MCM10: variants seen among roughly 807,000 people sequenced by gnomAD.
The protein encoded by MCM10 is minichromosome maintenance 10 replication initiation factor, also known as protein MCM10 homolog.
Under a neutral mutation model 109.9 loss-of-function variants are expected in MCM10, and 91 were observed. The ratio of observed to expected loss-of-function variants is 0.83; its 90% CI spans 0.70 to 0.99. MCM10 has a LOEUF of 0.99. MCM10 is among the 50% of genes least tolerant of loss of function. The pLI is 0.00. For missense variants in MCM10, 1,077 were observed against 1,061.2 expected (o/e 1.01, Z -0.21); for synonymous variants, 380 against 387.2 (o/e 0.98, Z 0.22).
intron 2 of MCM10, among the ~76,000 whole-genome samples, chr10:13,168,731 C>T (rs760120124): frequency 1.3e-5 from 2 of 152,154 alleles, no homozygotes; most frequent in African/African-American, 2.4e-5. Context: ...CTTTTTAAAT[C>T]GTCCATCAGA....
At chr10:13,170,385 A>G (rs572766110) in intron 2 of MCM10, among the ~76,000 whole-genome samples, 1 of 152,220 alleles carries the variant, frequency 6.6e-6, no homozygotes, top group East Asian at 1.9e-4. Flanking sequence ...TTAAATCTCA[A>G]ATAATTTGAA....
intron 6 of MCM10, among the ~76,000 whole-genome samples, chr10:13,178,108 T>C (rs1005752658): frequency 8.5e-5 from 13 of 152,158 alleles, no homozygotes; most frequent in African/African-American, 3.1e-4. Flanking sequence ...TCTTTAATCT[T>C]TTTTTTGAGA....
chr10:13,209,257 ACT>A lies in MCM10; in HGVS notation c.2575_2576del (p.Leu859ValfsTer9), dbSNP rs757108672. ...GACTGGTCCAAAGATAGGAGGAGAA[ACT>A]CTGTTACCAAGAGGAGAAGAACATG... Reference protein sequence around the residue: ...EKTGPKIGGETLLPRGEEHAK... With the variant: ...EKTGPKIGGEXLLPRGEEHAK... On this transcript the variant is annotated frameshift_variant, in exon 20 of 20. Transcript: ENST00000378714. LOFTEE classifies it high-confidence loss of function. 10 of 1,613,936 alleles carry A rather than the reference ACT, an allele frequency of 6.2e-6. No homozygotes were observed. The highest frequency in any genetic ancestry group is 1.1e-5 in the South Asian group (1 of 91,056).
chr10:13,189,001 G>A lies in MCM10; in HGVS notation c.1336G>A (p.Gly446Ser). 6.2e-7 allele frequency: 1 copy of A among 1,614,252 alleles called. No individual in the cohort carries two copies. Among genetic ancestry groups the A allele is most frequent in the Non-Finnish European group, 8.5e-7 (1 of 1,180,056 alleles). The change falls in exon 10 of 20, where the codon GGC becomes AGC. Residue 446 changes from glycine (G) to serine (S), a missense_variant. Physicochemically the swap from Gly to Ser is moderately conservative, Grantham distance 56. Coordinates refer to ENST00000378714, the MANE Select transcript of MCM10 (RefSeq NM_018518.5). ...AATTCCAAAGAAGTTTGCCCGCAGA[G>A]GCACCAGCCTCAAAGAACGGCTGTG... is the stretch of plus-strand genomic sequence containing the variant. ...GRIPKKFARR[G>S]TSLKERLCQD...
At chr10:13,202,109 A>G (rs1029964477) in intron 17 of MCM10, among the ~76,000 whole-genome samples, 1 of 152,264 alleles carries the variant, frequency 6.6e-6, no homozygotes, top group Admixed American at 6.5e-5. Flanking sequence ...CTGGAATCCC[A>G]GCACTTTTGG....
At chr10:13,189,982 A>C (rs1399104790) in intron 10 of MCM10, among the ~76,000 whole-genome samples, 1 of 152,100 alleles carries the variant, frequency 6.6e-6, no homozygotes, top group Non-Finnish European at 1.5e-5. Flanking sequence ...AAAAGAAAGA[A>C]AAGAAAAGAA....
chr10:13,171,373 C>G (rs1257521653), intron 3 of MCM10, 110 bp downstream of exon 3: 10 of 1,061,034 alleles, frequency 9.4e-6, no homozygotes, highest in Non-Finnish European at 1.2e-5. Context: ...AGATAAATGA[C>G]TTTGTAAAAA....
intron 14 of MCM10, among the ~76,000 whole-genome samples, chr10:13,196,272 C>T (rs1016344106): frequency 4.6e-5 from 7 of 152,076 alleles, no homozygotes; most frequent in Non-Finnish European, 7.4e-5. Context: ...TGAGTTGCTG[C>T]GGCTGAAGTA....
chr10:13,185,045 T>C (rs1465834702), intron 8 of MCM10, among the ~76,000 whole-genome samples: 1 of 152,132 alleles, frequency 6.6e-6, no homozygotes, highest in African/African-American at 2.4e-5. Flanking sequence ...TACAGGAGTA[T>C]GCATCCGGGA....
chr10:13,163,592 A>T (rs921034783), intron 1 of MCM10, among the ~76,000 whole-genome samples: 2 of 152,070 alleles, frequency 1.3e-5, no homozygotes, highest in African/African-American at 4.8e-5. Context: ...ACCTAAGTAG[A>T]ATCATACAGT....
rs374617709 is a variant in MCM10, at chr10:13,164,039, G to A, written c.-75-89G>A. ...ATGAATTCTGAGGTTAGAGCCCATA[G>A]GAGTGGTAGGATTCTGGGTTTGTTG... On this transcript the variant is annotated intron_variant, in intron 1 of 19. Transcript: ENST00000378714. The A allele has an allele frequency of 1.5e-4, 75 of 492,014 alleles. 2 individuals carry two copies. Among genetic ancestry groups the A allele is most frequent in the South Asian group, 1.0e-3 (31 of 30,468 alleles). 30.5% of individuals were successfully genotyped at this position (492,014 alleles called of 1,614,324 possible). A position where few individuals can be genotyped will look rare whatever the true frequency, so the allele number is the denominator to read the frequency against.
chr10:13,191,255 G>C, intron 10 of MCM10, 44 bp from the exon 11 acceptor site: 1 of 1,323,292 alleles, frequency 7.6e-7, no homozygotes, highest in Non-Finnish European at 1.1e-6. Flanking sequence ...TCAGAGCATT[G>C]AGGCTTTAGT....
At chr10:13,208,566 CAA>C (rs55683228) in intron 18 of MCM10, among the ~76,000 whole-genome samples, 10 of 114,448 alleles carry the variant, frequency 8.7e-5, no homozygotes, top group Admixed American at 1.0e-4. Flanking sequence ...CCCATCTCTC[CAA>C]AAAAAAAAAA....
chr10:13,184,066 C>T (rs1834244252), intron 8 of MCM10, among the ~76,000 whole-genome samples: 1 of 152,036 alleles, frequency 6.6e-6, no homozygotes, highest in South Asian at 2.1e-4. Context: ...CCATGTTGGC[C>T]AGGCTGGTTT....
chr10:13,162,514 T>G (rs1833940666), intron 1 of MCM10, among the ~76,000 whole-genome samples: 1 of 152,148 alleles, frequency 6.6e-6, no homozygotes, highest in Non-Finnish European at 1.5e-5. Context: ...AGGTTGACGG[T>G]GGCTTGGCCT....
chr10:13,180,233 A>T (rs1315621680), intron 6 of MCM10, among the ~76,000 whole-genome samples: 1 of 151,910 alleles, frequency 6.6e-6, no homozygotes, highest in African/African-American at 2.4e-5. Context: ...CCTGGGCAAC[A>T]GAGTGAGACT....
chr10:13,184,925 A>G (rs1228407327), intron 8 of MCM10, among the ~76,000 whole-genome samples: 1 of 152,118 alleles, frequency 6.6e-6, no homozygotes. Flanking sequence ...GCCAATTTCT[A>G]CTATTTCCAG....
At chr10:13,167,014 C>T (rs1834010461) in intron 2 of MCM10, among the ~76,000 whole-genome samples, 1 of 151,980 alleles carries the variant, frequency 6.6e-6, no homozygotes, top group Non-Finnish European at 1.5e-5. Context: ...TGGTGTGCAC[C>T]TCTAGTCCCT....
intron 2 of MCM10, among the ~76,000 whole-genome samples, chr10:13,169,846 C>T: frequency 6.6e-6 from 1 of 152,186 alleles, no homozygotes; most frequent in African/African-American, 2.4e-5. Context: ...GCTGGGATTA[C>T]AGGCACGGGC....
Sources: allele counts gnomAD v4.1 joint callset (sites outside exome capture counted in the v4.1 genomes callset), GRCh38; gene constraint gnomAD v4.1.1; transcripts MANE v1.5; gene names NCBI Gene and HGNC (gene_info 2026-07-23, HGNC 2026-07-21).